CEP128: variants seen among roughly 807,000 people sequenced by gnomAD.
The protein encoded by CEP128 is centrosomal protein 128kDa.
Under a neutral mutation model 156.7 loss-of-function variants are expected in CEP128, and 132 were observed. The ratio of observed to expected loss-of-function variants is 0.84; its 90% CI spans 0.73 to 0.97. The LOEUF is 0.97. Ranked by LOEUF, CEP128 falls within the 50% of genes least tolerant of loss-of-function variation. The pLI, the probability that CEP128 is intolerant of heterozygous loss-of-function variation, is 0.00. For synonymous variants in CEP128, 469 were observed against 448.9 expected (o/e 1.04, Z -0.57); for missense variants, 1,252 against 1,281.9 (o/e 0.98, Z 0.36).
chr14:80,789,276 A>G (rs953087613), intron 14 of CEP128, among the ~76,000 whole-genome samples: 2 of 152,190 alleles, frequency 1.3e-5, no homozygotes, highest in Non-Finnish European at 2.9e-5. Context: ...AAAATTGGGT[A>G]TGAATAGTTA....
chr14:80,822,485 A>G (rs1885241559), intron 13 of CEP128: 3 of 588,312 alleles, frequency 5.1e-6, no homozygotes, highest in Non-Finnish European at 9.8e-6. Context: ...CCCGTGCACC[A>G]CTGCATCCCG....
At chr14:80,951,400 G>T (rs1886461251) in intron 2 of CEP128, among the ~76,000 whole-genome samples, 1 of 152,122 alleles carries the variant, frequency 6.6e-6, no homozygotes, top group African/African-American at 2.4e-5. Flanking sequence ...GTACAGTGTT[G>T]AAGGGTTCTT....
At chr14:80,557,104 T>C (rs1224703348) in intron 21 of CEP128, among the ~76,000 whole-genome samples, 3 of 152,204 alleles carry the variant, frequency 2.0e-5, no homozygotes, top group African/African-American at 7.2e-5. Context: ...TGGTGACTTT[T>C]TATTTTTACC....
At chr14:80,656,276 TATTTATATATATATTTATATATATATA>T (rs1895138722) in intron 19 of CEP128, among the ~76,000 whole-genome samples, 1 of 26,490 alleles carries the variant, frequency 3.8e-5, no homozygotes, top group Non-Finnish European at 7.0e-5. Context: ...CCTAAGTTTT[TATTTATATATATATTTATATATATATA>T]TATATATATA....
At chr14:80,605,976 A>G (rs1892760750) in intron 19 of CEP128, among the ~76,000 whole-genome samples, 1 of 151,516 alleles carries the variant, frequency 6.6e-6, no homozygotes, top group Non-Finnish European at 1.5e-5. Flanking sequence ...AAAATTATTT[A>G]TTTTATTTTT....
chr14:80,696,261 A>G (rs1040082109), intron 19 of CEP128, among the ~76,000 whole-genome samples: 69 of 152,348 alleles, frequency 4.5e-4, no homozygotes, highest in African/African-American at 1.6e-3. Flanking sequence ...AGTATATAAA[A>G]TAAATAATAG....
intron 2 of CEP128, among the ~76,000 whole-genome samples, chr14:80,927,279 C>T (rs1251934357): frequency 6.6e-6 from 1 of 152,206 alleles, no homozygotes; most frequent in East Asian, 1.9e-4. Context: ...AGGTGCAGTG[C>T]TGGGCTCAGT....
chr14:80,930,156 G>A (rs1368906961), intron 2 of CEP128, among the ~76,000 whole-genome samples: 1 of 152,164 alleles, frequency 6.6e-6, no homozygotes, highest in Non-Finnish European at 1.5e-5. Context: ...GGTGATTCTA[G>A]TGCTGGGAGC....
intron 19 of CEP128, among the ~76,000 whole-genome samples, chr14:80,658,816 T>C (rs1326833590): frequency 1.3e-5 from 2 of 152,166 alleles, no homozygotes; most frequent in African/African-American, 2.4e-5. Flanking sequence ...GGGAACACCA[T>C]GGACAAAATC....
At chr14:80,781,177 G>A (rs1011243119) in intron 15 of CEP128, among the ~76,000 whole-genome samples, 12 of 152,084 alleles carry the variant, frequency 7.9e-5, no homozygotes, top group South Asian at 2.1e-4. Context: ...GGTAATGAAC[G>A]CGCCAGGCAG....
At chr14:80,777,814 A>G (rs1900876995) in intron 16 of CEP128, 68 bp downstream of exon 16, 1 of 1,229,286 alleles carries the variant, frequency 8.1e-7, no homozygotes, top group Non-Finnish European at 1.1e-6. Flanking sequence ...GTTGATATAT[A>G]AAATATTTTC....
chr14:80,874,624 T>C (rs1020021028), intron 8 of CEP128, among the ~76,000 whole-genome samples: 1 of 152,178 alleles, frequency 6.6e-6, no homozygotes, highest in African/African-American at 2.4e-5. Flanking sequence ...TATAGTTTGT[T>C]TGTTTGTTTC....
intron 2 of CEP128, chr14:80,955,538 G>T: frequency 1.0e-6 from 1 of 973,624 alleles, no homozygotes; most frequent in Non-Finnish European, 1.6e-6. Flanking sequence ...CCTCCACAGT[G>T]GTGAGGTCAC....
intron 19 of CEP128, among the ~76,000 whole-genome samples, chr14:80,737,182 G>A (rs1898574876): frequency 6.6e-6 from 1 of 152,070 alleles, no homozygotes; most frequent in African/African-American, 2.4e-5. Flanking sequence ...GAGGCGGGTG[G>A]ATCACAAGGT....
intron 19 of CEP128, among the ~76,000 whole-genome samples, chr14:80,719,034 C>A (rs1288518826): frequency 6.6e-6 from 1 of 152,116 alleles, no homozygotes; most frequent in Admixed American, 6.5e-5. Context: ...TAAAGTGAGG[C>A]CATCAGCAGG....
chr14:80,898,266 AC>A (rs1326792896), intron 7 of CEP128, among the ~76,000 whole-genome samples: 1 of 152,256 alleles, frequency 6.6e-6, no homozygotes, highest in African/African-American at 2.4e-5. Context: ...AGAAAGTTAA[AC>A]TTTTTAACTT....
chr14:80,638,629 G>A (rs150241427), intron 19 of CEP128, among the ~76,000 whole-genome samples: 3 of 151,910 alleles, frequency 2.0e-5, no homozygotes, highest in African/African-American at 7.3e-5. Flanking sequence ...TTTTATATAC[G>A]ATGTCTTTTA....
At chr14:80,540,199 C>A (rs1889683802) in intron 21 of CEP128, among the ~76,000 whole-genome samples, 1 of 93,858 alleles carries the variant, frequency 1.1e-5, no homozygotes, top group Admixed American at 8.8e-5. Context: ...GTTCTTACAC[C>A]CCCCCCCCTT....
intron 2 of CEP128, among the ~76,000 whole-genome samples, chr14:80,924,833 G>C (rs576775952): frequency 1.4e-3 from 217 of 152,180 alleles, no homozygotes; most frequent in African/African-American, 5.1e-3. Flanking sequence ...TGAGTGGGGA[G>C]TGACATGGTA....
Sources: gnomAD v4.1 joint callset for allele counts (sites outside exome capture counted in the v4.1 genomes callset) on GRCh38, gnomAD v4.1.1 for gene constraint, MANE v1.5 for transcripts, NCBI Gene and HGNC (gene_info 2026-07-23, HGNC 2026-07-21) for gene names.